The following UNC5C variants were observed in gnomAD, a reference collection of about 807,000 sequenced individuals.
UNC5C encodes the protein netrin receptor UNC5C.
A neutral mutation model predicts 99.8 loss-of-function variants in UNC5C; 47 were observed. The observed-to-expected ratio is 0.47, with a 90% CI of 0.37 to 0.60. The LOEUF is 0.60. Among genes scored for constraint, UNC5C ranks in the 20% least tolerant of loss-of-function variants. UNC5C has a pLI of 0.00. For synonymous variants in UNC5C, 487 were observed against 452.2 expected, an observed-to-expected ratio of 1.08 and a Z score of -0.98; for missense variants, 1,062 against 1,165.9, an observed-to-expected ratio of 0.91 and a Z score of 1.30.
Position 95,385,548 on chromosome 4 carries a change from T to C in UNC5C, c.125-49917A>G, listed in dbSNP as rs1392684828. ...TCCACTGCTATCAAGTAGATGGTTC[T>C]TCTGTTAGAGAGAGGAAATAAAAAA... is the stretch of plus-strand genomic sequence containing the variant. On this transcript the variant is annotated intron_variant, in intron 1 of 15. Coordinates refer to ENST00000453304, the MANE Select transcript of UNC5C (RefSeq NM_003728.4). 2.0e-5 allele frequency among the ~76,000 whole-genome samples: 3 copies of C among 152,210 alleles called. No homozygotes were observed. In the East Asian group the frequency reaches 5.8e-4, roughly 29 times the overall value.
intron 7 of UNC5C, among the ~76,000 whole-genome samples, chr4:95,234,828 A>T (rs1739051964): frequency 6.6e-6 from 1 of 152,228 alleles, no homozygotes; most frequent in Admixed American, 6.5e-5. Flanking sequence ...ACTACTATGT[A>T]TGAGTGGTAT....
rs527389309 is a variant in UNC5C at position 95,355,015 on chromosome 4, G to T, written c.125-19384C>A. On this transcript the variant is annotated intron_variant, in intron 1 of 15. Coordinates refer to ENST00000453304, the MANE Select transcript of UNC5C (RefSeq NM_003728.4). ...TTGAATTTGTATTTTTTGAATAAAT[G>T]ATTGCAGAGCTGTCTGTATCTAGGA... Among the ~76,000 whole-genome samples the T allele has an allele frequency of 9.5e-4, 145 of 152,212 alleles. No individual in the cohort carries two copies. In the Middle Eastern group the frequency reaches 0.01, roughly 11 times the overall value.
At chr4:95,243,872 G>T (rs538560975) in intron 6 of UNC5C, among the ~76,000 whole-genome samples, 1 of 152,022 alleles carries the variant, frequency 6.6e-6, no homozygotes, top group South Asian at 2.1e-4. Flanking sequence ...AACTCTAATT[G>T]ATCAGTGCAT....
intron 1 of UNC5C, among the ~76,000 whole-genome samples, chr4:95,398,651 T>C (rs962856025): frequency 1.3e-5 from 2 of 152,200 alleles, no homozygotes; most frequent in African/African-American, 4.8e-5. Context: ...CTTGTTTCTG[T>C]TGCAAATTAT....
At chr4:95,459,222 A>G (rs1403850278) in intron 1 of UNC5C, among the ~76,000 whole-genome samples, 2 of 152,288 alleles carry the variant, frequency 1.3e-5, no homozygotes, top group East Asian at 3.9e-4. Flanking sequence ...CAAATTGCTC[A>G]TCGCTTCCTA....
intron 1 of UNC5C, among the ~76,000 whole-genome samples, chr4:95,515,617 T>G (rs1008380212): frequency 2.0e-5 from 3 of 152,204 alleles, no homozygotes; most frequent in Non-Finnish European, 2.9e-5. Flanking sequence ...ATAATGCAGC[T>G]AAATAGCTGT....
At chr4:95,330,618 A>AT (rs1202043971) in intron 2 of UNC5C, among the ~76,000 whole-genome samples, 3 of 151,866 alleles carry the variant, frequency 2.0e-5, no homozygotes, top group East Asian at 1.9e-4. Flanking sequence ...TCATTTAAAG[A>AT]TTTTTTTTCT....
At chr4:95,535,308 T>G (rs1722745884) in intron 1 of UNC5C, among the ~76,000 whole-genome samples, 2 of 152,156 alleles carry the variant, frequency 1.3e-5, no homozygotes, top group Admixed American at 1.3e-4. Flanking sequence ...GACAACATGC[T>G]TTTATTGGTC....
chr4:95,217,302 G>A (rs998430765), intron 9 of UNC5C, among the ~76,000 whole-genome samples: 3 of 152,168 alleles, frequency 2.0e-5, no homozygotes, highest in African/African-American at 7.2e-5. Context: ...GAGTTAAGAG[G>A]TAGTAGGCCT....
intron 1 of UNC5C, among the ~76,000 whole-genome samples, chr4:95,529,267 T>C (rs1181444012): frequency 2.0e-5 from 3 of 148,978 alleles, no homozygotes; most frequent in Non-Finnish European, 4.4e-5. Flanking sequence ...GAGAATACAT[T>C]ACATGTATGT....
At chr4:95,183,605 A>C (rs1451635894) in intron 13 of UNC5C, among the ~76,000 whole-genome samples, 1 of 152,142 alleles carries the variant, frequency 6.6e-6, no homozygotes, top group Non-Finnish European at 1.5e-5. Flanking sequence ...ATTAGCTGCC[A>C]CAGAAAAGTT....
chr4:95,484,204 T>C (rs1721260414), intron 1 of UNC5C, among the ~76,000 whole-genome samples: 2 of 151,864 alleles, frequency 1.3e-5, no homozygotes, highest in Non-Finnish European at 1.5e-5. Flanking sequence ...TTTGACTTTG[T>C]GCTTCATAAT....
intron 1 of UNC5C, among the ~76,000 whole-genome samples, chr4:95,478,690 C>G (rs898143433): frequency 6.6e-6 from 1 of 151,954 alleles, no homozygotes; most frequent in African/African-American, 2.4e-5. Context: ...ATAGTAGATA[C>G]AATTGACTCT....
At chr4:95,253,534 G>A (rs371660881) in intron 4 of UNC5C, among the ~76,000 whole-genome samples, 2 of 152,158 alleles carry the variant, frequency 1.3e-5, no homozygotes, top group South Asian at 4.2e-4. Flanking sequence ...AGTGTTTGAC[G>A]ACCCCTGTGG....
chr4:95,321,449 C>A (rs143352521), intron 2 of UNC5C, among the ~76,000 whole-genome samples: 1 of 152,068 alleles, frequency 6.6e-6, no homozygotes, highest in South Asian at 2.1e-4. Context: ...GATTCATCTG[C>A]GTGATATAAT....
intron 3 of UNC5C, among the ~76,000 whole-genome samples, chr4:95,290,793 A>G (rs1741414280): frequency 6.6e-6 from 1 of 152,210 alleles, no homozygotes; most frequent in South Asian, 2.1e-4. Context: ...TGCTTTTGTA[A>G]GGGGTAAAGT....
chr4:95,171,063 A>C (rs1002162618), intron 14 of UNC5C, among the ~76,000 whole-genome samples: 2 of 152,226 alleles, frequency 1.3e-5, no homozygotes, highest in African/African-American at 2.4e-5. Context: ...AAACAGCACA[A>C]ATGCAAAATC....
chr4:95,433,573 A>G (rs967162586), intron 1 of UNC5C, among the ~76,000 whole-genome samples: 5 of 151,992 alleles, frequency 3.3e-5, no homozygotes, highest in African/African-American at 1.2e-4. Flanking sequence ...TCCTCTATCA[A>G]TTTTATCTTT....
intron 1 of UNC5C, among the ~76,000 whole-genome samples, chr4:95,490,405 T>TA (rs1443535449): frequency 2.0e-5 from 3 of 151,716 alleles, no homozygotes; most frequent in Non-Finnish European, 4.4e-5. Context: ...TGTGAACTTT[T>TA]AATTAATATA....
Sources: gnomAD v4.1 joint callset for allele counts (sites outside exome capture counted in the v4.1 genomes callset) on GRCh38, gnomAD v4.1.1 for gene constraint, MANE v1.5 for transcripts, NCBI Gene and HGNC (gene_info 2026-07-23, HGNC 2026-07-21) for gene names.